DNAI1: variants seen among roughly 807,000 people sequenced by gnomAD.
The protein encoded by DNAI1 is dynein axonemal intermediate chain 1.
A neutral mutation model predicts 92.0 loss-of-function variants in DNAI1; 67 were observed. The ratio of observed to expected loss-of-function variants is 0.73; its 90% CI spans 0.60 to 0.89. The LOEUF (loss-of-function observed/expected upper bound fraction) is 0.89. Among genes scored for constraint, DNAI1 ranks in the 40% least tolerant of loss-of-function variants. The pLI is 0.00. For synonymous variants in DNAI1, 323 were observed against 319.6 expected (o/e 1.01, Z -0.11); for missense variants, 839 against 866.6 (o/e 0.97, Z 0.40).
rs1825269241 is a variant in DNAI1 at position 34,520,864 on chromosome 9, A to G, written c.*108A>G. 2 of 1,047,718 alleles carry G rather than the reference A, an allele frequency of 1.9e-6. No individual in the cohort carries two copies. Among genetic ancestry groups the G allele is most frequent in the Middle Eastern group, 2.4e-4 (1 of 4,100 alleles). The allele number at this position is 1,047,718 out of a possible 1,614,324, so 64.9% of individuals were successfully genotyped here. On this transcript the variant is annotated 3_prime_UTR_variant, in exon 20 of 20. Transcript: ENST00000242317. Reference sequence around the variant, plus strand: ...CCAGCATGTGACCCCACTCCTGATCAGGTCCCAGCATCTTCCCTTCTTGTT... The same window carrying G: ...CCAGCATGTGACCCCACTCCTGATCGGGTCCCAGCATCTTCCCTTCTTGTT...
At chr9:34,504,913 T>C (rs1824895651) in intron 12 of DNAI1, among the ~76,000 whole-genome samples, 1 of 152,172 alleles carries the variant, frequency 6.6e-6, no homozygotes, top group African/African-American at 2.4e-5. Flanking sequence ...AGAGAGGGTT[T>C]CATTATTGTC....
At chr9:34,489,920 G>A in intron 5 of DNAI1, 92 bp from the exon 6 acceptor site, 2 of 1,561,454 alleles carry the variant, frequency 1.3e-6, no homozygotes, top group Non-Finnish European at 1.7e-6. Context: ...TCAGGCCAAG[G>A]AAAACCCCAG....
intron 19 of DNAI1, among the ~76,000 whole-genome samples, 182 bp from the exon 20 acceptor site, chr9:34,520,476 T>C (rs1472357300): frequency 6.6e-6 from 1 of 152,072 alleles, no homozygotes; most frequent in Non-Finnish European, 1.5e-5. Flanking sequence ...GCTGAGCCCC[T>C]GTGTCACCTA....
chr9:34,472,161 T>A (rs1390299903), intron 1 of DNAI1, among the ~76,000 whole-genome samples: 1 of 152,212 alleles, frequency 6.6e-6, no homozygotes, highest in East Asian at 1.9e-4. Flanking sequence ...TTGCCACTAG[T>A]ACTTGAGGGC....
intron 1 of DNAI1, among the ~76,000 whole-genome samples, chr9:34,477,920 CTCTCTTTT>C (rs1291625244): frequency 9.2e-5 from 7 of 75,944 alleles, no homozygotes; most frequent in Admixed American, 3.5e-4. Flanking sequence ...CTCTCTCTCT[CTCTCTTTT>C]TTTTTTTTTT....
intron 4 of DNAI1, 123 bp downstream of exon 4, chr9:34,485,640 G>A (rs1272619554): frequency 1.1e-6 from 1 of 921,310 alleles, no homozygotes; most frequent in South Asian, 1.4e-5. Flanking sequence ...GAGGTCCTTG[G>A]CTAGAATCCT....
intron 13 of DNAI1, among the ~76,000 whole-genome samples, chr9:34,507,899 C>T (rs565262602): frequency 3.9e-5 from 6 of 152,306 alleles, no homozygotes; most frequent in East Asian, 3.9e-4. Flanking sequence ...ACCATTACCT[C>T]GACATTGGGG....
intron 18 of DNAI1, 53 bp from the exon 19 acceptor site, chr9:34,517,232 G>T: frequency 6.3e-7 from 1 of 1,591,282 alleles, no homozygotes; most frequent in Non-Finnish European, 8.6e-7. Context: ...TTCCTCTGAG[G>T]TGGAAGACAG....
rs1285752841 is a variant in DNAI1 at position 34,500,757 on chromosome 9, C to G, written c.937C>G (p.Arg313Gly). The G allele has an allele frequency of 5.6e-6, 9 of 1,613,862 alleles. No homozygotes were observed. Among genetic ancestry groups the G allele is most frequent in the Non-Finnish European group, 4.2e-6 (5 of 1,179,980 alleles). ...CTATGACGATGCTGCTGATGAATAC[C>G]GGGACCAGGTGGGTACCCTGCTGCC... is the stretch of plus-strand genomic sequence containing the variant. Reference protein sequence around the residue: ...KYYDDAADEYRDQVGTLLPLW... With the variant: ...KYYDDAADEYGDQVGTLLPLW... The change falls in exon 11 of 20, where the codon CGG becomes GGG. Residue 313 changes from arginine to glycine, a missense_variant. Physicochemically the swap from Arg to Gly is moderately radical, Grantham distance 125. Transcript: ENST00000242317.
chr9:34,491,314 C>G (rs977783457), intron 7 of DNAI1, 181 bp from the exon 8 acceptor site: 1 of 681,184 alleles, frequency 1.5e-6, no homozygotes. Flanking sequence ...CCAGAATGGA[C>G]ACAATATGGG....
chr9:34,500,154 A>G (rs1311697176), intron 10 of DNAI1, among the ~76,000 whole-genome samples: 1 of 152,222 alleles, frequency 6.6e-6, no homozygotes, highest in Non-Finnish European at 1.5e-5. Flanking sequence ...AGGATGGGGC[A>G]TCTATCTAAC....
intron 1 of DNAI1, among the ~76,000 whole-genome samples, chr9:34,474,723 C>G (rs1235060667): frequency 3.9e-5 from 6 of 151,902 alleles, no homozygotes; most frequent in Non-Finnish European, 8.8e-5. Context: ...CATGTGCCAC[C>G]ATGTCCGGCT....
At chr9:34,473,671 T>A (rs190548197) in intron 1 of DNAI1, among the ~76,000 whole-genome samples, 104 of 152,292 alleles carry the variant, frequency 6.8e-4, no homozygotes, top group Non-Finnish European at 1.3e-3. Flanking sequence ...TATTAGCAAT[T>A]TTCAAGAATA....
At chr9:34,489,234 G>A (rs1824531902) in intron 4 of DNAI1, 89 bp from the exon 5 acceptor site, 3 of 1,494,584 alleles carry the variant, frequency 2.0e-6, no homozygotes, top group East Asian at 4.5e-5. Context: ...AAGATGGACT[G>A]TCTTTGATCT....
intron 16 of DNAI1, 75 bp from the exon 17 acceptor site, chr9:34,514,319 A>C (rs1825128767): frequency 4.4e-6 from 7 of 1,578,488 alleles, no homozygotes; most frequent in African/African-American, 2.7e-5. Context: ...TAAGGCTCTG[A>C]TCCTCCAGAC....
intron 1 of DNAI1, among the ~76,000 whole-genome samples, chr9:34,461,992 TG>T (rs1374872131): frequency 1.3e-5 from 2 of 152,262 alleles, no homozygotes; most frequent in African/African-American, 4.8e-5. Flanking sequence ...TAGGTAGGAC[TG>T]GGTTGCCAGG....
chr9:34,473,317 G>T lies in DNAI1; in HGVS notation c.49-10131G>T, dbSNP rs973253920. On this transcript the variant is annotated intron_variant, in intron 1 of 19. Transcript: ENST00000242317. The stretch of plus-strand genomic sequence containing the variant: ...TTATTATTATTATTATTTTGAGACA[G>T]AGTCTTGCTCTGTCACCCAGGCTGC... Among the ~76,000 whole-genome samples the T allele has an allele frequency of 4.1e-5, 6 of 145,602 alleles. No individual in the cohort carries two copies. In the East Asian group the frequency reaches 1.2e-3, roughly 28 times the overall value.
chr9:34,497,275 T>G, intron 10 of DNAI1, 76 bp downstream of exon 10: 4 of 1,144,696 alleles, frequency 3.5e-6, no homozygotes, highest in Non-Finnish European at 4.0e-6. Context: ...GTTATTTGGG[T>G]GTCTCTTGCT....
chr9:34,475,773 G>A (rs1357257192), intron 1 of DNAI1, among the ~76,000 whole-genome samples: 1 of 152,138 alleles, frequency 6.6e-6, no homozygotes, highest in African/African-American at 2.4e-5. Flanking sequence ...ACCCAGCTAT[G>A]GTTGACTTCA....
Sources: gnomAD v4.1 joint callset for allele counts (sites outside exome capture counted in the v4.1 genomes callset) on GRCh38, gnomAD v4.1.1 for gene constraint, MANE v1.5 for transcripts, NCBI Gene and HGNC (gene_info 2026-07-23, HGNC 2026-07-21) for gene names.